Variants in RTF2 observed in about 807,000 individuals in gnomAD.
RTF2 encodes replication termination factor 2, also known as UPF0549 protein C20orf43.
Under a neutral mutation model 38.0 loss-of-function variants are expected in RTF2, and 18 were observed. That is an observed-to-expected ratio of 0.47 (90% CI 0.33 to 0.70). The LOEUF is 0.70. Among genes scored for constraint, RTF2 ranks in the 30% least tolerant of loss-of-function variants. The pLI, the probability that RTF2 is intolerant of heterozygous loss-of-function variation, is 0.02. For missense variants in RTF2, 311 were observed against 379.6 expected, an observed-to-expected ratio of 0.82 and a Z score of 1.50; for synonymous variants, 126 against 137.1, an observed-to-expected ratio of 0.92 and a Z score of 0.57.
intron 5 of RTF2, among the ~76,000 whole-genome samples, chr20:56,504,813 A>G (rs370151840): frequency 9.2e-5 from 14 of 152,338 alleles, no homozygotes; most frequent in Middle Eastern, 3.4e-3. Context: ...CTTATCTTCT[A>G]TGTGCCTTGA....
At chr20:56,474,645 G>GGTTAT in intron 2 of RTF2, 33 bp from the exon 3 acceptor site, 1 of 1,392,728 alleles carries the variant, frequency 7.2e-7, no homozygotes, top group Non-Finnish European at 9.9e-7. Flanking sequence ...AAAGTCGCTT[G>GGTTAT]TTGACATAAT....
At chr20:56,513,194 C>T (rs1038429269) in intron 5 of RTF2, 121 bp from the exon 6 acceptor site, 41 of 1,342,342 alleles carry the variant, frequency 3.1e-5, no homozygotes, top group Non-Finnish European at 4.0e-5. Flanking sequence ...ACCAGAAAGC[C>T]GGTAATAGGA....
At chr20:56,481,056 C>T (rs1383368575) in intron 4 of RTF2, among the ~76,000 whole-genome samples, 1 of 152,142 alleles carries the variant, frequency 6.6e-6, no homozygotes, top group Non-Finnish European at 1.5e-5. Context: ...CTAAAATAAT[C>T]ACAATATCTG....
At chr20:56,495,361 T>C in intron 5 of RTF2, 1 of 1,229,552 alleles carries the variant, frequency 8.1e-7, no homozygotes, top group Non-Finnish European at 1.2e-6. Flanking sequence ...TAGTACAAGT[T>C]CTTCTGTGCT....
intron 1 of RTF2, chr20:56,471,790 T>C (rs1424694662): frequency 6.6e-6 from 1 of 152,256 alleles, no homozygotes; most frequent in Non-Finnish European, 1.5e-5. Context: ...TATAACCTAA[T>C]CTCTTGGTGC....
At chr20:56,497,092 C>T in intron 5 of RTF2, 1 of 1,551,692 alleles carries the variant, frequency 6.4e-7, no homozygotes, top group Non-Finnish European at 8.7e-7. Context: ...GCATAAGCCA[C>T]CTTCTCTGTC....
At chr20:56,502,681 A>G (rs1168761939) in intron 5 of RTF2, among the ~76,000 whole-genome samples, 1 of 152,254 alleles carries the variant, frequency 6.6e-6, no homozygotes, top group Admixed American at 6.5e-5. Flanking sequence ...ATATTCTAGC[A>G]TATTACCATT....
chr20:56,517,855 C>T (rs535794347), intron 8 of RTF2, among the ~76,000 whole-genome samples: 2 of 152,244 alleles, frequency 1.3e-5, no homozygotes, highest in Non-Finnish European at 2.9e-5. Flanking sequence ...CAATCTAAGT[C>T]ATTCACGGGG....
intron 2 of RTF2, among the ~76,000 whole-genome samples, 195 bp from the exon 3 acceptor site, chr20:56,474,483 A>G (rs369617009): frequency 2.0e-4 from 30 of 152,348 alleles, no homozygotes; most frequent in Admixed American, 5.2e-4. Context: ...CTCTCTCTCA[A>G]ATAAATAAAT....
chr20:56,513,250 G>T, intron 5 of RTF2, 65 bp from the exon 6 acceptor site: 1 of 1,543,578 alleles, frequency 6.5e-7, no homozygotes. Context: ...GAGAGTGGGG[G>T]ACTGAAGCGT....
At chr20:56,495,375 A>C (rs1983455085) in intron 5 of RTF2, 2 of 1,109,482 alleles carry the variant, frequency 1.8e-6, no homozygotes, top group South Asian at 2.7e-5. Context: ...CTGTGCTATC[A>C]TTTCCATTTC....
chr20:56,491,632 C>A (rs1166143175), intron 5 of RTF2: 2 of 1,551,918 alleles, frequency 1.3e-6, no homozygotes, highest in Non-Finnish European at 1.7e-6. Flanking sequence ...CTTCTGCCTG[C>A]CTCAGCACTT....
At chr20:56,472,781 C>A (rs1468370868) in intron 1 of RTF2, among the ~76,000 whole-genome samples, 1 of 151,304 alleles carries the variant, frequency 6.6e-6, no homozygotes, top group Non-Finnish European at 1.5e-5. Flanking sequence ...TCTTCTTTTT[C>A]TTTGTACATG....
At chr20:56,476,555 A>C (rs1982255136) in intron 3 of RTF2, among the ~76,000 whole-genome samples, 1 of 146,508 alleles carries the variant, frequency 6.8e-6, no homozygotes, top group Admixed American at 7.0e-5. Flanking sequence ...GCTGGAGTGC[A>C]GTGGCACGAT....
chr20:56,474,980 A>G (rs1982162905), intron 3 of RTF2, among the ~76,000 whole-genome samples: 1 of 152,154 alleles, frequency 6.6e-6, no homozygotes, highest in Non-Finnish European at 1.5e-5. Context: ...ATCTGTTGTA[A>G]TTTCACCTGT....
At chr20:56,509,880 GTCAGCTGAT>G (rs1375299923) in intron 5 of RTF2, among the ~76,000 whole-genome samples, 2 of 151,962 alleles carry the variant, frequency 1.3e-5, no homozygotes, top group Admixed American at 1.3e-4. Context: ...AAACAACTCT[GTCAGCTGAT>G]TCATAGATGA....
At chr20:56,505,224 T>A (rs1353492611) in intron 5 of RTF2, among the ~76,000 whole-genome samples, 1 of 152,074 alleles carries the variant, frequency 6.6e-6, no homozygotes, top group Admixed American at 6.6e-5. Context: ...CAGTGGCTCA[T>A]ATCTGTAATC....
At chr20:56,511,427 C>T (rs1019405935) in intron 5 of RTF2, among the ~76,000 whole-genome samples, 8 of 151,206 alleles carry the variant, frequency 5.3e-5, no homozygotes. Flanking sequence ...TTCCCCCAAC[C>T]ATCTATGGAA....
At chr20:56,500,979 T>A (rs1884420) in intron 5 of RTF2, among the ~76,000 whole-genome samples, 123,932 of 151,852 alleles carry the variant, frequency 0.82, 50,752 homozygotes, top group East Asian at 0.99. Flanking sequence ...CTTTTTTTTT[T>A]AAAAAAAATC....
Sources: gnomAD v4.1 joint callset for allele counts (sites outside exome capture counted in the v4.1 genomes callset) on GRCh38, gnomAD v4.1.1 for gene constraint, MANE v1.5 for transcripts, NCBI Gene and HGNC (gene_info 2026-07-23, HGNC 2026-07-21) for gene names.